ST14: variants seen among roughly 807,000 people sequenced by gnomAD.
ST14 encodes ST14 transmembrane serine protease matriptase, also known as suppressor of tumorigenicity 14 protein.
In ST14, 40 loss-of-function variants were observed where a neutral mutation model predicts 96.5. The ratio of observed to expected loss-of-function variants is 0.41; its 90% CI spans 0.32 to 0.54. The LOEUF (loss-of-function observed/expected upper bound fraction) is 0.54, where lower values mean the gene tolerates loss of function less well. ST14 is among the 20% of genes least tolerant of loss of function. The pLI is 0.17. For synonymous variants in ST14, 506 were observed against 492.1 expected, an observed-to-expected ratio of 1.03 and a Z score of -0.37; for missense variants, 1,066 against 1,188.9, an observed-to-expected ratio of 0.90 and a Z score of 1.52.
intron 6 of ST14, 149 bp from the exon 7 acceptor site, chr11:130,190,305 C>T (rs1032665613): frequency 1.4e-6 from 2 of 1,476,384 alleles, no homozygotes; most frequent in Non-Finnish European, 1.9e-6. Flanking sequence ...TTCTGAGAAG[C>T]CCCCTTCCTG....
At position 130,204,182 on chromosome 11, in the gene ST14, T is replaced by C. The variant is rs528636867; in HGVS notation, c.1994+4045T>C. Among the ~76,000 whole-genome samples, 43 of 152,326 alleles carry C rather than the reference T, an allele frequency of 2.8e-4. No homozygotes were observed. The South Asian group carries it at 8.9e-3, about 32-fold the overall frequency. On this transcript the variant is annotated intron_variant, in intron 16 of 18. Coordinates refer to ENST00000278742, the MANE Select transcript of ST14 (RefSeq NM_021978.4). ...CACTGTGAACCTGAAGGCTGGGTCA[T>C]AGATCGCATCACAGATGCCCAGAGA...
At chr11:130,172,487 G>C (rs911239053) in intron 1 of ST14, among the ~76,000 whole-genome samples, 1 of 147,192 alleles carries the variant, frequency 6.8e-6, no homozygotes, top group East Asian at 2.0e-4. Flanking sequence ...GTGCGATCTC[G>C]GCTCACTGCA....
chr11:130,162,313 C>G (rs1485568902), intron 1 of ST14, among the ~76,000 whole-genome samples: 1 of 152,182 alleles, frequency 6.6e-6, no homozygotes, highest in African/African-American at 2.4e-5. Context: ...TGCCTGCAAG[C>G]AAGCAGGGAA....
At chr11:130,208,013 G>C (rs2136221636) in intron 16 of ST14, among the ~76,000 whole-genome samples, 1 of 152,280 alleles carries the variant, frequency 6.6e-6, no homozygotes, top group East Asian at 1.9e-4. Flanking sequence ...GGAGATTGCA[G>C]TGAGCCGAGA....
At chr11:130,194,790 G>A (rs890375893) in intron 9 of ST14, 53 bp downstream of exon 9, 52 of 1,563,950 alleles carry the variant, frequency 3.3e-5, no homozygotes, top group South Asian at 2.9e-4. Context: ...GTATGTGCAC[G>A]TGTGTGTGTC....
intron 16 of ST14, among the ~76,000 whole-genome samples, chr11:130,203,819 A>G (rs562580089): frequency 6.3e-4 from 96 of 152,120 alleles, no homozygotes; most frequent in African/African-American, 2.2e-3. Context: ...TGCCCGGCTA[A>G]TTTTTTGTAC....
At chr11:130,183,587 T>G (rs1360220224) in intron 1 of ST14, among the ~76,000 whole-genome samples, 1 of 152,128 alleles carries the variant, frequency 6.6e-6, no homozygotes, top group Non-Finnish European at 1.5e-5. Flanking sequence ...ATAGCTAATT[T>G]TGAGAATAGA....
rs1953309044 is a variant in ST14, at chr11:130,192,063, C to A, written c.875+1369C>A. Among the ~76,000 whole-genome samples, 4 of 152,320 alleles carry A rather than the reference C, an allele frequency of 2.6e-5. No individual in the cohort carries two copies. In the South Asian group the frequency reaches 8.3e-4, roughly 32 times the overall value. On this transcript the variant is annotated intron_variant, in intron 7 of 18. Coordinates refer to ENST00000278742, the MANE Select transcript of ST14 (RefSeq NM_021978.4). ...GCGTGGTTAATGCACCTGTGGGATACCCCACGTCAGGGTGGGGCGTACCTC... is the reference window on the plus strand; with the variant it reads ...GCGTGGTTAATGCACCTGTGGGATAACCCACGTCAGGGTGGGGCGTACCTC...
intron 14 of ST14, 147 bp from the exon 15 acceptor site, chr11:130,198,800 A>G (rs1043493050): frequency 2.0e-5 from 31 of 1,528,884 alleles, no homozygotes; most frequent in Non-Finnish European, 1.4e-5. Flanking sequence ...AACCTGTAGC[A>G]GGGCAGGGAG....
At chr11:130,197,734 T>G (rs1480748865) in intron 11 of ST14, 107 bp from the exon 12 acceptor site, 26 of 953,838 alleles carry the variant, frequency 2.7e-5, no homozygotes, top group Non-Finnish European at 4.1e-5. Context: ...GCACCTGCCC[T>G]GCTCCTGTGT....
intron 16 of ST14, 24 bp downstream of exon 16, chr11:130,200,161 G>A (rs776202557): frequency 6.2e-7 from 1 of 1,613,258 alleles, no homozygotes; most frequent in East Asian, 2.2e-5. Context: ...TGGGCAGCAG[G>A]GAGCCTCCTT....
chr11:130,192,688 G>A (rs955518537), intron 7 of ST14, among the ~76,000 whole-genome samples: 3 of 152,140 alleles, frequency 2.0e-5, no homozygotes, highest in Non-Finnish European at 4.4e-5. Context: ...CACAGCACCC[G>A]GCCAAATTTT....
rs550257877 is a variant in ST14, at chr11:130,182,322, C to CT, written c.82-5781dup. Among the ~76,000 whole-genome samples the CT allele has an allele frequency of 1.9e-3, 270 of 145,806 alleles. 2 individuals are homozygous for CT. The highest frequency in any genetic ancestry group is 8.1e-3 in the South Asian group (37 of 4,588). On this transcript the variant is annotated intron_variant, in intron 1 of 18. Coordinates refer to ENST00000278742, the MANE Select transcript of ST14 (RefSeq NM_021978.4). ...CTTTTTTTCTTTGTTTCTTTCTTTC[C>CT]TTTTTTTTTTTGAGATGAGGTTTTG...
intron 16 of ST14, among the ~76,000 whole-genome samples, chr11:130,201,704 T>C (rs755624): frequency 0.48 from 73,130 of 152,194 alleles, 18,186 homozygotes; most frequent in East Asian, 0.68. Context: ...TTCAGCCTCC[T>C]GAGTAGCTGG....
intron 7 of ST14, among the ~76,000 whole-genome samples, chr11:130,191,847 G>T (rs1953306524): frequency 6.6e-6 from 1 of 152,222 alleles, no homozygotes; most frequent in Non-Finnish European, 1.5e-5. Flanking sequence ...GCCTGGGGTG[G>T]TTAGGGCAAA....
At chr11:130,208,834 C>G (rs769996929) in intron 17 of ST14, 150 bp downstream of exon 17, 5 of 1,091,104 alleles carry the variant, frequency 4.6e-6, no homozygotes, top group Non-Finnish European at 6.5e-6. Flanking sequence ...GAATGGAGGC[C>G]TTTAGTAAAA....
Position 130,190,549 on chromosome 11 carries a change from T to A in ST14, c.730T>A (p.Cys244Ser). 1 of 1,612,190 alleles carries A rather than the reference T, an allele frequency of 6.2e-7. No individual in the cohort carries two copies. The stretch of plus-strand genomic sequence containing the variant: ...CAGCCCCTACCCCGCTCATGCCCGC[T>A]GCCAGTGGGCCCTGCGGGGGGACGC... ...PDSPYPAHARCQWALRGDADS... is the reference protein window; with the variant it reads ...PDSPYPAHARSQWALRGDADS... Residue 244 changes from cysteine (C) to serine (S), a missense_variant, in exon 7 of 19, where the codon TGC becomes AGC. Physicochemically the swap from Cys to Ser is moderately radical, Grantham distance 112 (BLOSUM62 -1). Transcript: ENST00000278742.
intron 1 of ST14, among the ~76,000 whole-genome samples, chr11:130,184,249 CT>C (rs576390812): frequency 4.1e-4 from 62 of 152,324 alleles, no homozygotes; most frequent in African/African-American, 1.4e-3. Flanking sequence ...AATATATACA[CT>C]TTATTTTATG....
At chr11:130,169,257 G>C (rs1003715074) in intron 1 of ST14, among the ~76,000 whole-genome samples, 2 of 152,052 alleles carry the variant, frequency 1.3e-5, no homozygotes, top group African/African-American at 4.8e-5. Context: ...ACCACACCCA[G>C]CTAATTTTTG....
Sources: gnomAD v4.1 joint callset for allele counts (sites outside exome capture counted in the v4.1 genomes callset) on GRCh38, gnomAD v4.1.1 for gene constraint, MANE v1.5 for transcripts, NCBI Gene and HGNC (gene_info 2026-07-23, HGNC 2026-07-21) for gene names.